ERO1B: variants seen among roughly 807,000 people sequenced by gnomAD.
The protein encoded by ERO1B is ERO1-like protein beta.
Under a neutral mutation model 75.3 loss-of-function variants are expected in ERO1B, and 49 were observed. That is an observed-to-expected ratio of 0.65 (90% CI 0.52 to 0.83). The LOEUF (loss-of-function observed/expected upper bound fraction) is 0.83, where lower values mean the gene tolerates loss of function less well. ERO1B is among the 40% of genes least tolerant of loss of function. The probability of loss-of-function intolerance (pLI) is 0.00; values close to 1 mark genes in which losing one functional copy is unlikely to be tolerated. For missense variants in ERO1B, 512 were observed against 560.1 expected (o/e 0.91, Z 0.87); for synonymous variants, 191 against 192.9 (o/e 0.99, Z 0.08).
At chr1:236,224,099 G>A (rs1168104991) in intron 13 of ERO1B, among the ~76,000 whole-genome samples, 1 of 152,048 alleles carries the variant, frequency 6.6e-6, no homozygotes, top group Non-Finnish European at 1.5e-5. Context: ...GAAACACCCT[G>A]CAGTCAAATC....
Position 236,281,815 on chromosome 1 carries a change from AC to A in ERO1B, c.-33del, listed in dbSNP as rs34092801. 11 of 1,381,988 alleles carry A rather than the reference AC, an allele frequency of 8.0e-6. No individual in the cohort carries two copies. Among genetic ancestry groups the A allele is most frequent in the South Asian group, 1.5e-5 (1 of 67,218 alleles). The allele number at this position is 1,381,988 out of a possible 1,614,324, so 85.6% of individuals were successfully genotyped here. ...CTCTACCCACACCGCGGCCAGCCGGACCCCTCGGGGCCGGGGAACGACGGGC... is the reference window on the plus strand; with the variant it reads ...CTCTACCCACACCGCGGCCAGCCGGACCCTCGGGGCCGGGGAACGACGGGC... On this transcript the variant is annotated 5_prime_UTR_variant, in exon 1 of 16. Transcript: ENST00000354619.
chr1:236,274,466 T>C lies in ERO1B; in HGVS notation c.103-4472A>G, dbSNP rs115016578. 6.4e-3 allele frequency among the ~76,000 whole-genome samples: 976 copies of C among 152,330 alleles called. 12 individuals are homozygous for C. Among genetic ancestry groups the C allele is most frequent in the African/African-American group, 0.022 (912 of 41,568 alleles). On this transcript the variant is annotated intron_variant, in intron 1 of 15. Transcript: ENST00000354619. The stretch of plus-strand genomic sequence containing the variant: ...ATCTTTGATTCACTTTTCTGTTAGG[T>C]TATCTTCTTCATACTCATCTGCAGA...
chr1:236,254,246 G>A (rs1426884827), intron 2 of ERO1B, among the ~76,000 whole-genome samples: 2 of 152,172 alleles, frequency 1.3e-5, no homozygotes, highest in Non-Finnish European at 2.9e-5. Flanking sequence ...CTTGCAGATT[G>A]CCCATGCCAA....
At chr1:236,248,663 T>C (rs1664943377) in intron 5 of ERO1B, among the ~76,000 whole-genome samples, 1 of 152,156 alleles carries the variant, frequency 6.6e-6, no homozygotes, top group African/African-American at 2.4e-5. Context: ...ATATCATTTA[T>C]ACAAAGGAAA....
At chr1:236,269,699 G>A (rs1665547047) in intron 2 of ERO1B, among the ~76,000 whole-genome samples, 176 bp downstream of exon 2, 1 of 152,114 alleles carries the variant, frequency 6.6e-6, no homozygotes, top group Non-Finnish European at 1.5e-5. Flanking sequence ...AAAGGAAGGG[G>A]GCTAAGATTT....
At chr1:236,245,743 G>A (rs952534310) in intron 5 of ERO1B, among the ~76,000 whole-genome samples, 6 of 144,650 alleles carry the variant, frequency 4.1e-5, no homozygotes, top group East Asian at 5.2e-4. Context: ...CTGCCACCAC[G>A]CCTGGCTAAT....
intron 12 of ERO1B, 42 bp from the exon 13 acceptor site, chr1:236,225,181 T>G (rs1463071183): frequency 1.9e-6 from 3 of 1,570,244 alleles, no homozygotes; most frequent in Non-Finnish European, 2.6e-6. Context: ...ACATGAAAAA[T>G]CCACGTACTC....
intron 2 of ERO1B, among the ~76,000 whole-genome samples, chr1:236,268,612 C>T (rs6428949): frequency 0.14 from 21,442 of 152,102 alleles, 1,999 homozygotes; most frequent in African/African-American, 0.27. Flanking sequence ...CAAGGCCGGG[C>T]GCGGTGGCTC....
intron 2 of ERO1B, among the ~76,000 whole-genome samples, chr1:236,258,859 A>G (rs1008631629): frequency 2.6e-5 from 4 of 152,206 alleles, no homozygotes; most frequent in Non-Finnish European, 4.4e-5. Context: ...ACTGCACTCC[A>G]GCCTGGGTGA....
chr1:236,241,112 A>C (rs1664687447), intron 6 of ERO1B, among the ~76,000 whole-genome samples: 1 of 152,232 alleles, frequency 6.6e-6, no homozygotes, highest in Non-Finnish European at 1.5e-5. Context: ...AGTCATTATC[A>C]ACAGCAAAAC....
intron 10 of ERO1B, among the ~76,000 whole-genome samples, chr1:236,230,007 T>C (rs1664362690): frequency 6.6e-6 from 1 of 152,206 alleles, no homozygotes. Flanking sequence ...TGACAGTATT[T>C]GGCCTGTGTA....
In ERO1B at chr1:236,216,982, T is replaced by A. The variant is rs1169201849; in HGVS notation, c.*1534A>T. 6.6e-6 allele frequency: 1 copy of A among 151,898 alleles called. No homozygotes were observed. The highest frequency in any genetic ancestry group is 2.4e-5 in the African/African-American group (1 of 41,372). The allele number at this position is 151,898 out of a possible 1,614,324, so 9.4% of individuals were successfully genotyped here. ...CATCAACAACAAAACCCCAAGTTTA[T>A]AAAGGTTTGAAATTAGGTGAGAAAA... On this transcript the variant is annotated 3_prime_UTR_variant, in exon 16 of 16. Transcript: ENST00000354619.
chr1:236,280,192 T>A (rs1216805501), intron 1 of ERO1B, among the ~76,000 whole-genome samples: 1 of 152,088 alleles, frequency 6.6e-6, no homozygotes, highest in Non-Finnish European at 1.5e-5. Context: ...ATGAAAAAAA[T>A]TTAAAATGAA....
intron 2 of ERO1B, among the ~76,000 whole-genome samples, chr1:236,268,252 C>T (rs1233882504): frequency 2.6e-5 from 4 of 152,058 alleles, no homozygotes; most frequent in Admixed American, 1.3e-4. Context: ...CCAGCCTAGC[C>T]AACATGGTGA....
At position 236,236,321 on chromosome 1, in the gene ERO1B, C is replaced by A. The variant is rs749953848; in HGVS notation, c.583G>T (p.Ala195Ser). Residue 195 changes from alanine (A) to serine (S), a missense_variant, in exon 7 of 16, where the codon GCA becomes TCA. By Grantham distance (99) the Ala-to-Ser change is moderately conservative. Transcript: ENST00000354619. ...ERYTGYKGTS[A>S]WRVWNSIYEE... is the part of the protein sequence containing the mutation. The stretch of plus-strand genomic sequence containing the variant: ...TAGATGCTGTTCCACACTCTCCATG[C>A]AGAGGTCCCTTTATAGCCAGTGTAA... The A allele has an allele frequency of 1.2e-6, 2 of 1,614,018 alleles. No homozygotes were observed. Among genetic ancestry groups the A allele is most frequent in the South Asian group, 2.2e-5 (2 of 91,084 alleles).
chr1:236,236,648 T>A (rs148649660), intron 6 of ERO1B, among the ~76,000 whole-genome samples: 1 of 152,216 alleles, frequency 6.6e-6, no homozygotes, highest in African/African-American at 2.4e-5. Flanking sequence ...AGTGCTCTTT[T>A]AAGTAATATA....
chr1:236,230,299 A>ACCTAATTTATTCTACTTTATAAAT, intron 9 of ERO1B, 49 bp from the exon 10 acceptor site: 1 of 1,458,408 alleles, frequency 6.9e-7, no homozygotes, highest in Non-Finnish European at 9.5e-7. Context: ...TCATTTATAA[A>ACCTAATTTATTCTACTTTATAAAT]GTAGAATAAA....
chr1:236,276,953 A>G (rs1318902436), intron 1 of ERO1B, among the ~76,000 whole-genome samples: 1 of 152,110 alleles, frequency 6.6e-6, no homozygotes, highest in Non-Finnish European at 1.5e-5. Flanking sequence ...CCTGATAGTG[A>G]GCTCTCATGA....
At chr1:236,250,021 G>C in intron 4 of ERO1B, 54 bp from the exon 5 acceptor site, 2 of 1,184,946 alleles carry the variant, frequency 1.7e-6, no homozygotes, top group Non-Finnish European at 2.4e-6. Flanking sequence ...CTTTATTTCA[G>C]TTTCTATTGG....
Sources: gnomAD v4.1 joint callset for allele counts (sites outside exome capture counted in the v4.1 genomes callset) on GRCh38, gnomAD v4.1.1 for gene constraint, MANE v1.5 for transcripts, NCBI Gene and HGNC (gene_info 2026-07-23, HGNC 2026-07-21) for gene names.